The following PDGFD variants were observed in gnomAD, a reference collection of about 807,000 sequenced individuals.
The protein encoded by PDGFD is platelet-derived growth factor D.
In PDGFD, 30 loss-of-function variants were observed where a neutral mutation model predicts 44.7. The ratio of observed to expected loss-of-function variants is 0.67; its 90% confidence interval spans 0.50 to 0.91. The LOEUF is 0.91. PDGFD is among the 40% of genes least tolerant of loss of function. The probability of loss-of-function intolerance (pLI) is 0.00; values close to 1 mark genes in which losing one functional copy is unlikely to be tolerated. For synonymous variants in PDGFD, 173 were observed against 168.4 expected (o/e 1.03, Z -0.21); for missense variants, 445 against 457.8 (o/e 0.97, Z 0.25).
intron 1 of PDGFD, among the ~76,000 whole-genome samples, chr11:104,087,194 A>ATTT (rs1861143704): frequency 3.5e-4 from 5 of 14,270 alleles, no homozygotes; most frequent in African/African-American, 1.0e-3. Context: ...ACAACTGGCT[A>ATTT]ATTTTTTTTT....
chr11:104,132,833 G>A (rs1405745714), intron 1 of PDGFD, among the ~76,000 whole-genome samples: 3 of 152,024 alleles, frequency 2.0e-5, no homozygotes, highest in Admixed American at 2.0e-4. Context: ...TTTTCATAAT[G>A]TTCTGAGAAT....
At chr11:104,125,275 A>G (rs1861825554) in intron 1 of PDGFD, among the ~76,000 whole-genome samples, 1 of 152,144 alleles carries the variant, frequency 6.6e-6, no homozygotes, top group African/African-American at 2.4e-5. Context: ...CCTTGAGTAT[A>G]TTACTTAACC....
intron 3 of PDGFD, among the ~76,000 whole-genome samples, chr11:103,968,496 T>G (rs1859053114): frequency 6.6e-6 from 1 of 152,204 alleles, no homozygotes; most frequent in African/African-American, 2.4e-5. Context: ...CTTACTCTCT[T>G]CACCGAATTG....
chr11:104,072,075 T>G (rs1451670837), intron 1 of PDGFD, among the ~76,000 whole-genome samples: 1 of 151,874 alleles, frequency 6.6e-6, no homozygotes, highest in Non-Finnish European at 1.5e-5. Flanking sequence ...TATTCCTGCA[T>G]GCTTATTTTT....
At chr11:104,005,861 T>A (rs1399180955) in intron 1 of PDGFD, among the ~76,000 whole-genome samples, 1 of 152,176 alleles carries the variant, frequency 6.6e-6, no homozygotes, top group Non-Finnish European at 1.5e-5. Flanking sequence ...AACAATCACT[T>A]TTCACAGAGA....
rs530707933 is a variant in PDGFD, at chr11:103,922,488, A to G, written c.987+4424T>C. ...CTAGGATTTTCTGACCTTCCCATGT[A>G]GCAAGTCATAAGACCCTCATGCGAG... is the stretch of plus-strand genomic sequence containing the variant. On this transcript the variant is annotated intron_variant, in intron 6 of 6. Transcript: ENST00000393158. Among the ~76,000 whole-genome samples the G allele has an allele frequency of 3.3e-5, 5 of 152,276 alleles. No homozygotes were observed. In the South Asian group the frequency reaches 6.2e-4, roughly 19 times the overall value.
intron 1 of PDGFD, among the ~76,000 whole-genome samples, chr11:104,052,549 G>A (rs916395988): frequency 4.6e-5 from 7 of 151,942 alleles, no homozygotes; most frequent in African/African-American, 1.7e-4. Flanking sequence ...TACCAGGGAA[G>A]GTGCTCAGTA....
intron 1 of PDGFD, among the ~76,000 whole-genome samples, chr11:104,063,656 A>G (rs943968040): frequency 6.6e-6 from 1 of 152,182 alleles, no homozygotes; most frequent in African/African-American, 2.4e-5. Flanking sequence ...GAAACTTACA[A>G]TCATGACAGA....
chr11:103,918,695 A>G (rs1225535552), intron 6 of PDGFD, among the ~76,000 whole-genome samples: 1 of 152,170 alleles, frequency 6.6e-6, no homozygotes, highest in Non-Finnish European at 1.5e-5. Context: ...CTTTTCCCAG[A>G]CAAGACAGGA....
intron 1 of PDGFD, among the ~76,000 whole-genome samples, chr11:104,088,422 A>G (rs1474516192): frequency 6.6e-6 from 1 of 152,234 alleles, no homozygotes; most frequent in Non-Finnish European, 1.5e-5. Context: ...TTTGCTTTTA[A>G]GCACTCAATT....
intron 3 of PDGFD, among the ~76,000 whole-genome samples, chr11:103,958,315 C>A (rs973407078): frequency 1.3e-5 from 2 of 152,028 alleles, no homozygotes; most frequent in African/African-American, 4.8e-5. Context: ...ATAAATAATC[C>A]TTTTTATAAA....
intron 1 of PDGFD, among the ~76,000 whole-genome samples, chr11:104,107,374 A>T (rs1237683239): frequency 6.6e-6 from 1 of 152,136 alleles, no homozygotes; most frequent in Admixed American, 6.6e-5. Flanking sequence ...CTGTAACCAC[A>T]AAGAACTGAA....
chr11:103,966,163 C>T (rs1341468008), intron 3 of PDGFD, among the ~76,000 whole-genome samples: 1 of 152,072 alleles, frequency 6.6e-6, no homozygotes, highest in Non-Finnish European at 1.5e-5. Context: ...TCAGATGTTT[C>T]CTGATTAGTT....
chr11:104,021,056 C>G (rs1859942965), intron 1 of PDGFD, among the ~76,000 whole-genome samples: 1 of 152,054 alleles, frequency 6.6e-6, no homozygotes. Context: ...GAGTAATGTA[C>G]CTGGGGTCAT....
In PDGFD at chr11:103,998,957, T is replaced by C. The variant is rs180899735; in HGVS notation, c.329+1094A>G. 5.0e-3 allele frequency among the ~76,000 whole-genome samples: 766 copies of C among 152,254 alleles called. 5 individuals are homozygous for C. The highest frequency in any genetic ancestry group is 0.017 in the African/African-American group (722 of 41,520). On this transcript the variant is annotated intron_variant, in intron 2 of 6. Coordinates refer to ENST00000393158, the MANE Select transcript of PDGFD (RefSeq NM_025208.5). ...TAATAATCTTTTAATAGCGTCTTTTTCCCATGATTTTTTAGGCACAGAATA... is the reference window on the plus strand; with the variant it reads ...TAATAATCTTTTAATAGCGTCTTTTCCCCATGATTTTTTAGGCACAGAATA...
intron 3 of PDGFD, among the ~76,000 whole-genome samples, chr11:103,974,222 G>C (rs1859148352): frequency 6.6e-6 from 1 of 152,168 alleles, no homozygotes; most frequent in Admixed American, 6.5e-5. Flanking sequence ...AATGGGAAGA[G>C]AAGAGACAAT....
chr11:104,003,040 C>T (rs754322248), intron 1 of PDGFD, among the ~76,000 whole-genome samples: 1 of 152,008 alleles, frequency 6.6e-6, no homozygotes, highest in Non-Finnish European at 1.5e-5. Flanking sequence ...GTTTCAGATG[C>T]TATGTTAGAT....
intron 1 of PDGFD, among the ~76,000 whole-genome samples, chr11:104,001,336 C>T (rs992486934): frequency 2.0e-5 from 3 of 152,186 alleles, no homozygotes; most frequent in Non-Finnish European, 2.9e-5. Context: ...CCCTCTCAGA[C>T]CTTACCCTAT....
Position 103,943,621 on chromosome 11 carries a change from C to CGCAATCAGAGTGGGA in PDGFD, c.602_603insTCCCACTCTGATTGC (p.Thr201_Asp202insProThrLeuIleAla), listed in dbSNP as rs1565290988. 1 of 1,612,820 alleles carries CGCAATCAGAGTGGGA rather than the reference C, an allele frequency of 6.2e-7. No homozygotes were observed. The highest frequency in any genetic ancestry group is 2.2e-5 in the East Asian group (1 of 44,846). On this transcript the variant is annotated inframe_insertion, in exon 5 of 7. Coordinates refer to ENST00000393158, the MANE Select transcript of PDGFD (RefSeq NM_025208.5). Reference sequence around the variant, plus strand: ...GAGCATCCGCAATCAGAGTGGGATCCGTTACTGATGGAGAGTTATAGGATA... The same window carrying CGCAATCAGAGTGGGA: ...GAGCATCCGCAATCAGAGTGGGATCCGCAATCAGAGTGGGAGTTACTGATGGAGAGTTATAGGATA...
Sources: gnomAD v4.1 joint callset for allele counts (sites outside exome capture counted in the v4.1 genomes callset) on GRCh38, gnomAD v4.1.1 for gene constraint, MANE v1.5 for transcripts, NCBI Gene and HGNC (gene_info 2026-07-23, HGNC 2026-07-21) for gene names.